Variants in THBS4 observed in about 807,000 individuals in gnomAD.
The protein encoded by THBS4 is thrombospondin-4.
Under a neutral mutation model 115.7 loss-of-function variants are expected in THBS4, and 90 were observed. The ratio of observed to expected loss-of-function variants is 0.78; its 90% confidence interval spans 0.66 to 0.93. The LOEUF is 0.93. Among genes scored for constraint, THBS4 ranks in the 40% least tolerant of loss-of-function variants. THBS4 has a pLI of 0.00. For missense variants in THBS4, 1,087 were observed against 1,232.7 expected, an observed-to-expected ratio of 0.88 and a Z score of 1.77; for synonymous variants, 460 against 479.3, an observed-to-expected ratio of 0.96 and a Z score of 0.53.
chr5:80,079,375 C>A (rs1179791702), intron 19 of THBS4, 117 bp downstream of exon 19: 1 of 1,138,898 alleles, frequency 8.8e-7, no homozygotes, highest in Non-Finnish European at 1.2e-6. Flanking sequence ...TGCATTTATG[C>A]TAACGTTAGA....
upstream of THBS4, among the ~76,000 whole-genome samples, chr5:80,033,003 T>C (rs1421307402): frequency 4.6e-5 from 7 of 152,198 alleles, no homozygotes; most frequent in African/African-American, 1.7e-4. Context: ...TTTGTTTTGG[T>C]TTTGAATCTT....
intron 1 of THBS4, among the ~76,000 whole-genome samples, chr5:79,992,494 T>C (rs769918128): frequency 6.6e-6 from 1 of 152,270 alleles, no homozygotes; most frequent in African/African-American, 2.4e-5. Flanking sequence ...AAGTCTTTTT[T>C]ACATGTTTCA....
intron 1 of THBS4, among the ~76,000 whole-genome samples, chr5:79,997,277 G>A (rs1426819271): frequency 9.9e-5 from 15 of 152,068 alleles, no homozygotes; most frequent in Non-Finnish European, 2.2e-4. Flanking sequence ...CTAAATGTAT[G>A]CTGTCCCTCA....
intron 2 of THBS4, among the ~76,000 whole-genome samples, chr5:80,012,061 A>C (rs2438614): frequency 0.24 from 36,437 of 151,658 alleles, 4,793 homozygotes; most frequent in African/African-American, 0.35. Context: ...TGTGCACCAA[A>C]CCCCCATGAC....
intron 2 of THBS4, among the ~76,000 whole-genome samples, chr5:80,025,831 CTT>C (rs1832466483): frequency 6.6e-6 from 1 of 152,122 alleles, no homozygotes. Flanking sequence ...TCTGGGTAAA[CTT>C]TATTAGATTT....
chr5:80,060,093 C>A (rs920228513), intron 7 of THBS4, among the ~76,000 whole-genome samples, 188 bp downstream of exon 7: 1 of 152,182 alleles, frequency 6.6e-6, no homozygotes, highest in African/African-American at 2.4e-5. Flanking sequence ...GTTATGGCTG[C>A]GTTTGTCATT....
intron 15 of THBS4, among the ~76,000 whole-genome samples, chr5:80,076,606 A>T (rs912712758): frequency 6.6e-6 from 1 of 152,164 alleles, no homozygotes; most frequent in Non-Finnish European, 1.5e-5. Flanking sequence ...TCTGGTCATA[A>T]ATCATAGAAA....
Position 80,058,718 on chromosome 5 carries a change from C to T in THBS4, c.660C>T (p.Asn220=), listed in dbSNP as rs752816382. The change falls in exon 5 of 22, where the codon AAC becomes AAT. Residue 220 remains asparagine, a synonymous_variant. Coordinates refer to ENST00000350881, the MANE Select transcript of THBS4 (RefSeq NM_003248.6). ...TTGCTGTTCCTACAGGGGACTTTAA[C>T]CGGCAGTTCTTGGGTCAAATGACAC... ...PLAATGTGDF[N]RQFLGQMTQL... The T allele has an allele frequency of 6.0e-5, 97 of 1,613,994 alleles. No individual in the cohort carries two copies. The highest frequency in any genetic ancestry group is 7.9e-5 in the Non-Finnish European group (93 of 1,180,014).
In THBS4 at chr5:80,071,126, G is replaced by A. The variant is rs775263462; in HGVS notation, c.1666G>A (p.Asp556Asn). The change falls in exon 13 of 22, where the codon GAC becomes AAC. Residue 556 changes from aspartate to asparagine, a missense_variant. Physicochemically the swap from Asp to Asn is conservative, Grantham distance 23. This residue lies in a region of THBS4 where 979 missense variants were observed against 1,103.7 expected (regional missense o/e 0.89). Coordinates refer to ENST00000350881, the MANE Select transcript of THBS4 (RefSeq NM_003248.6). Reference sequence around the variant, plus strand: ...GAGTGTCTTAAATAACGACCAGAAAGACACCGATGGGGATGGAAGAGGAGA... The same window carrying A: ...GAGTGTCTTAAATAACGACCAGAAAAACACCGATGGGGATGGAAGAGGAGA... ...CLSVLNNDQK[D>N]TDGDGRGDAC... The A allele has an allele frequency of 6.2e-7, 1 of 1,608,086 alleles. No individual in the cohort carries two copies. The highest frequency in any genetic ancestry group is 1.3e-5 in the African/African-American group (1 of 74,616).
At chr5:80,070,522 C>A in intron 11 of THBS4, 112 bp downstream of exon 11, 1 of 1,377,706 alleles carries the variant, frequency 7.3e-7, no homozygotes, top group Non-Finnish European at 1.0e-6. Flanking sequence ...TGTAAAGTAG[C>A]TGCATCTCAG....
At chr5:80,048,397 G>A (rs1383292240) in intron 2 of THBS4, among the ~76,000 whole-genome samples, 1 of 152,128 alleles carries the variant, frequency 6.6e-6, no homozygotes, top group Non-Finnish European at 1.5e-5. Context: ...ATATTAAGCT[G>A]GATGACTTAT....
intron 2 of THBS4, among the ~76,000 whole-genome samples, chr5:80,018,520 T>C (rs1331382441): frequency 6.7e-6 from 1 of 149,510 alleles, no homozygotes; most frequent in East Asian, 2.0e-4. Context: ...TCAGCCTCCC[T>C]AGTAGCTGAG....
chr5:80,012,102 A>T (rs551800074), intron 2 of THBS4, among the ~76,000 whole-genome samples: 2 of 152,122 alleles, frequency 1.3e-5, no homozygotes, highest in East Asian at 3.9e-4. Flanking sequence ...ACAAACCTCC[A>T]TGTGTACCCC....
intron 2 of THBS4, among the ~76,000 whole-genome samples, chr5:79,999,498 G>A (rs1261027038): frequency 6.6e-6 from 1 of 152,144 alleles, no homozygotes; most frequent in African/African-American, 2.4e-5. Flanking sequence ...TTAAAAATGA[G>A]TGTATAAAAT....
chr5:80,040,101 G>A lies in THBS4; in HGVS notation c.113G>A (p.Ser38Asn), dbSNP rs536099381. The A allele has an allele frequency of 1.2e-6, 2 of 1,613,174 alleles. No individual in the cohort carries two copies. The highest frequency in any genetic ancestry group is 1.3e-5 in the African/African-American group (1 of 74,512). The change falls in exon 2 of 22, where the codon AGT becomes AAT. Residue 38 changes from serine to asparagine, a missense_variant. By Grantham distance (46) the Ser-to-Asn change is conservative. This residue lies in a region of THBS4 where 979 missense variants were observed against 1,103.7 expected (regional missense o/e 0.89). Coordinates refer to ENST00000350881, the MANE Select transcript of THBS4 (RefSeq NM_003248.6). Reference protein sequence around the residue: ...PQVFDLLPSSSQRLNPGALLP... With the variant: ...PQVFDLLPSSNQRLNPGALLP... ...GTCTTTGACCTTCTCCCATCTTCCA[G>A]TCAGAGGCTAAACCCAGGCGCTCTG... is the stretch of plus-strand genomic sequence containing the variant.
At position 80,057,650 on chromosome 5, in the gene THBS4, G is replaced by A. The variant is rs1308578535; in HGVS notation, c.541-556G>A. ...GATATAATAAAGGTGATTGCAAGCA[G>A]CATTCACAAGATAAAAGGGCAAGGA... On this transcript the variant is annotated intron_variant, in intron 3 of 21. Coordinates refer to ENST00000350881, the MANE Select transcript of THBS4 (RefSeq NM_003248.6). 4.6e-5 allele frequency among the ~76,000 whole-genome samples: 7 copies of A among 152,166 alleles called. No homozygotes were observed. The East Asian group carries it at 1.2e-3, about 25-fold the overall frequency.
Position 80,082,510 on chromosome 5 carries a change from ACAT to A in THBS4, c.2794_2796del (p.Ile932del), listed in dbSNP as rs761276283. 26 of 1,614,052 alleles carry A rather than the reference ACAT, an allele frequency of 1.6e-5. No individual in the cohort carries two copies. Among genetic ancestry groups the A allele is most frequent in the Non-Finnish European group, 1.8e-5 (21 of 1,180,034 alleles). ...GGCGTTTTCTGCTTCTCTCAAGAAA[ACAT>A]CATCTGGTCCAACCTCAAGTATCGC... On this transcript the variant is annotated inframe_deletion, in exon 21 of 22. Transcript: ENST00000350881.
chr5:79,998,041 C>G (rs1183248363), intron 1 of THBS4, among the ~76,000 whole-genome samples: 1 of 152,058 alleles, frequency 6.6e-6, no homozygotes, highest in African/African-American at 2.4e-5. Context: ...GACTTGGGTC[C>G]AAAACATACA....
intron 2 of THBS4, among the ~76,000 whole-genome samples, chr5:80,008,764 A>G (rs1226036777): frequency 6.6e-6 from 1 of 152,198 alleles, no homozygotes; most frequent in Non-Finnish European, 1.5e-5. Context: ...TGCCAGTAGC[A>G]TACCCTGGTT....
Sources: allele counts gnomAD v4.1 joint callset (sites outside exome capture counted in the v4.1 genomes callset), GRCh38; gene constraint gnomAD v4.1.1; regional missense constraint gnomAD v4.1.1; transcripts MANE v1.5; gene names NCBI Gene and HGNC (gene_info 2026-07-23, HGNC 2026-07-21).